The following JAKMIP2 variants were observed in gnomAD, a reference collection of about 807,000 sequenced individuals.
The protein encoded by JAKMIP2 is janus kinase and microtubule-interacting protein 2.
Under a neutral mutation model 115.0 loss-of-function variants are expected in JAKMIP2, and 25 were observed. The observed-to-expected ratio is 0.22, with a 90% CI of 0.16 to 0.30. JAKMIP2 has a LOEUF of 0.30. JAKMIP2 is among the 10% of genes least tolerant of loss of function. The pLI is 1.00. For missense variants in JAKMIP2, 642 were observed against 957.6 expected, an observed-to-expected ratio of 0.67 and a Z score of 4.35; for synonymous variants, 334 against 343.6, an observed-to-expected ratio of 0.97 and a Z score of 0.31.
chr5:147,637,437 A>T (rs9686729), intron 10 of JAKMIP2, among the ~76,000 whole-genome samples: 78 of 79,292 alleles, frequency 9.8e-4, no homozygotes, highest in East Asian at 2.2e-3. Context: ...AATTCTTTTG[A>T]TTTTTTTTTT....
rs369043130 is a variant in JAKMIP2 at position 147,600,087 on chromosome 5, GTTTTTTT to G, written c.*20+1647_*20+1653del. On this transcript the variant is annotated intron_variant, in intron 21 of 21. Coordinates refer to ENST00000616793, the MANE Select transcript of JAKMIP2 (RefSeq NM_001270941.2). ...TCCCTACTTTTAAAATTTATTTACT[GTTTTTTT>G]TTTTTTTTTTTTTTTTTGGTGGGGG... 8.2e-4 allele frequency among the ~76,000 whole-genome samples: 56 copies of G among 67,938 alleles called. 1 individual carries two copies. Among genetic ancestry groups the G allele is most frequent in the East Asian group, 4.6e-3 (14 of 3,058 alleles). The allele number at this position is 67,938 out of a possible 152,430, so 44.6% of individuals were successfully genotyped here.
intron 1 of JAKMIP2, among the ~76,000 whole-genome samples, chr5:147,750,889 A>G (rs1035540143): frequency 6.6e-6 from 1 of 150,518 alleles, no homozygotes; most frequent in Admixed American, 6.7e-5. Flanking sequence ...CCCTGTAATT[A>G]CCTCGACATC....
At chr5:147,603,926 T>C (rs1245611577) in intron 20 of JAKMIP2, among the ~76,000 whole-genome samples, 2 of 151,994 alleles carry the variant, frequency 1.3e-5, no homozygotes, top group Non-Finnish European at 2.9e-5. Flanking sequence ...CCCCTTTTTG[T>C]TTTTTTTAAA....
chr5:147,673,626 C>T (rs1106894), intron 1 of JAKMIP2, among the ~76,000 whole-genome samples: 49,366 of 151,962 alleles, frequency 0.32, 8,904 homozygotes, highest in East Asian at 0.57. Context: ...TTGTCCTTCA[C>T]GCTTCCTTTG....
chr5:147,649,707 G>A (rs540361467), intron 4 of JAKMIP2, among the ~76,000 whole-genome samples: 1 of 152,018 alleles, frequency 6.6e-6, no homozygotes, highest in Admixed American at 6.6e-5. Flanking sequence ...GTTCTAAGTA[G>A]TACTTTGGAA....
At chr5:147,698,248 G>A (rs182476230) in intron 1 of JAKMIP2, among the ~76,000 whole-genome samples, 2 of 152,282 alleles carry the variant, frequency 1.3e-5, no homozygotes, top group Admixed American at 6.5e-5. Context: ...TTTTGAACAG[G>A]TGTATTTACC....
intron 1 of JAKMIP2, among the ~76,000 whole-genome samples, chr5:147,690,643 T>C (rs904948451): frequency 1.3e-5 from 2 of 149,936 alleles, no homozygotes; most frequent in African/African-American, 4.9e-5. Context: ...AAAAACATTT[T>C]GGAAAGATAT....
chr5:147,623,056 G>A (rs1335321367), intron 17 of JAKMIP2, among the ~76,000 whole-genome samples: 1 of 152,000 alleles, frequency 6.6e-6, no homozygotes, highest in Non-Finnish European at 1.5e-5. Context: ...GAGTAGCTGG[G>A]ACCACAGGCA....
intron 1 of JAKMIP2, among the ~76,000 whole-genome samples, chr5:147,678,230 C>G (rs999869516): frequency 2.0e-5 from 3 of 152,172 alleles, no homozygotes; most frequent in Non-Finnish European, 4.4e-5. Context: ...TCTCGAACTT[C>G]TAACCTCATG....
chr5:147,607,530 G>C (rs188731705), intron 20 of JAKMIP2, among the ~76,000 whole-genome samples: 1 of 152,180 alleles, frequency 6.6e-6, no homozygotes, highest in East Asian at 1.9e-4. Context: ...AAGCCAATGC[G>C]ATCGTGGTGG....
chr5:147,683,222 G>C (rs1165682103), intron 1 of JAKMIP2, among the ~76,000 whole-genome samples: 1 of 152,210 alleles, frequency 6.6e-6, no homozygotes, highest in Non-Finnish European at 1.5e-5. Flanking sequence ...AGGTGTGATG[G>C]CTCATGCCTG....
chr5:147,703,019 G>T (rs1752435886), intron 1 of JAKMIP2, among the ~76,000 whole-genome samples: 1 of 152,114 alleles, frequency 6.6e-6, no homozygotes, highest in Non-Finnish European at 1.5e-5. Flanking sequence ...GAAATGTTTT[G>T]ACTTGCCCCA....
chr5:147,727,044 G>A (rs551381098), intron 1 of JAKMIP2, among the ~76,000 whole-genome samples: 9 of 152,282 alleles, frequency 5.9e-5, no homozygotes, highest in African/African-American at 1.7e-4. Context: ...CCCAGCTTAG[G>A]GAATGGGTCC....
chr5:147,689,565 T>C (rs1044625612), intron 1 of JAKMIP2, among the ~76,000 whole-genome samples: 3 of 152,134 alleles, frequency 2.0e-5, no homozygotes, highest in Non-Finnish European at 4.4e-5. Context: ...TTCATCAGAA[T>C]CATGGGATCA....
rs1755265299 is a variant in JAKMIP2 at position 147,769,335 on chromosome 5, T to C, written c.-149+13121A>G. 7.2e-5 allele frequency among the ~76,000 whole-genome samples: 11 copies of C among 152,236 alleles called. No individual in the cohort carries two copies. The South Asian group carries it at 2.1e-3, about 29-fold the overall frequency. ...TAAACTACGGAGAGGGCGGCAAAAG[T>C]GTAAGCAGATCCTTCATGATAAGGA... On this transcript the variant is annotated intron_variant, in intron 1 of 21. Coordinates refer to ENST00000616793, the MANE Select transcript of JAKMIP2 (RefSeq NM_001270941.2).
chr5:147,654,308 T>A (rs1285682327), intron 3 of JAKMIP2, among the ~76,000 whole-genome samples: 1 of 152,092 alleles, frequency 6.6e-6, no homozygotes, highest in Non-Finnish European at 1.5e-5. Flanking sequence ...TTTGTCAGTA[T>A]GGACATTTTC....
At chr5:147,774,496 A>G (rs547759131) in intron 1 of JAKMIP2, among the ~76,000 whole-genome samples, 27 of 152,296 alleles carry the variant, frequency 1.8e-4, no homozygotes, top group Admixed American at 2.6e-4. Flanking sequence ...TTAATGGCTT[A>G]TTGGTAGAAT....
intron 20 of JAKMIP2, among the ~76,000 whole-genome samples, chr5:147,611,858 T>A (rs1410586326): frequency 6.6e-6 from 1 of 152,186 alleles, no homozygotes; most frequent in East Asian, 1.9e-4. Flanking sequence ...CAGGACAACA[T>A]GATTATCATA....
chr5:147,604,228 C>T (rs1258121253), intron 20 of JAKMIP2, among the ~76,000 whole-genome samples: 1 of 152,150 alleles, frequency 6.6e-6, no homozygotes, highest in Non-Finnish European at 1.5e-5. Flanking sequence ...ATAGCCCCTT[C>T]TGAAATGTGA....
Sources: allele counts gnomAD v4.1 joint callset (sites outside exome capture counted in the v4.1 genomes callset), GRCh38; gene constraint gnomAD v4.1.1; transcripts MANE v1.5; gene names NCBI Gene and HGNC (gene_info 2026-07-23, HGNC 2026-07-21).